PRKCB: variants seen among roughly 807,000 people sequenced by gnomAD.
PRKCB encodes protein kinase C beta type.
In PRKCB, 13 loss-of-function variants were observed where a neutral mutation model predicts 81.5. That is an observed-to-expected ratio of 0.16 (90% CI 0.10 to 0.25). PRKCB has a LOEUF of 0.25. PRKCB is among the 10% of genes least tolerant of loss of function. PRKCB has a pLI of 1.00. For missense variants in PRKCB, 509 were observed against 875.7 expected, an observed-to-expected ratio of 0.58 and a Z score of 5.29; for synonymous variants, 335 against 321.4, an observed-to-expected ratio of 1.04 and a Z score of -0.45.
chr16:24,029,303 C>A (rs1397199122), intron 3 of PRKCB, among the ~76,000 whole-genome samples: 1 of 152,188 alleles, frequency 6.6e-6, no homozygotes, highest in Non-Finnish European at 1.5e-5. Context: ...AAGGGAGAGA[C>A]CAGGTGGAGG....
In PRKCB at chr16:24,217,932, A is replaced by G. The variant is rs1331845610; in HGVS notation, c.*3116A>G. 8.1e-6 allele frequency: 8 copies of G among 985,292 alleles called. No individual in the cohort carries two copies. Among genetic ancestry groups the G allele is most frequent in the Middle Eastern group, 5.2e-4 (1 of 1,936 alleles). 61.0% of individuals were successfully genotyped at this position (985,292 alleles called of 1,614,324 possible). A position where few individuals can be genotyped will look rare whatever the true frequency, so the allele number is the denominator to read the frequency against. On this transcript the variant is annotated 3_prime_UTR_variant, in exon 17 of 17. Coordinates refer to ENST00000643927, the MANE Select transcript of PRKCB (RefSeq NM_002738.7). ...TTGGGAGACCTTTAGGATCAATGGG[A>G]ATCAATTCCATTGTTTTGCCTCAGA...
chr16:23,850,935 G>A (rs771877580), intron 2 of PRKCB, among the ~76,000 whole-genome samples: 1 of 151,980 alleles, frequency 6.6e-6, no homozygotes, highest in Non-Finnish European at 1.5e-5. Flanking sequence ...AGTAATTTCT[G>A]TTCAGATCCC....
chr16:24,104,278 A>G (rs1966548563), intron 7 of PRKCB, among the ~76,000 whole-genome samples: 1 of 152,172 alleles, frequency 6.6e-6, no homozygotes, highest in South Asian at 2.1e-4. Flanking sequence ...TACAAGTCTT[A>G]TTATATTGAC....
intron 3 of PRKCB, among the ~76,000 whole-genome samples, chr16:24,020,063 G>A (rs1052727812): frequency 2.0e-5 from 3 of 152,196 alleles, no homozygotes; most frequent in African/African-American, 7.2e-5. Flanking sequence ...CTTTGGATAG[G>A]TAGTGCCAAA....
intron 8 of PRKCB, among the ~76,000 whole-genome samples, chr16:24,117,878 G>A (rs1173922144): frequency 6.6e-6 from 1 of 152,228 alleles, no homozygotes; most frequent in African/African-American, 2.4e-5. Context: ...GGAAGCTGAG[G>A]GGTTATCCGT....
At chr16:24,207,672 C>T (rs955518064) in intron 16 of PRKCB, among the ~76,000 whole-genome samples, 1 of 152,094 alleles carries the variant, frequency 6.6e-6, no homozygotes, top group Non-Finnish European at 1.5e-5. Flanking sequence ...AGTAGATTCC[C>T]AATTTTTCTT....
intron 2 of PRKCB, among the ~76,000 whole-genome samples, chr16:23,889,866 T>A (rs1963265235): frequency 6.6e-6 from 1 of 152,244 alleles, no homozygotes; most frequent in African/African-American, 2.4e-5. Context: ...CTATTTACAA[T>A]AATTCCAGTC....
At chr16:24,046,606 G>A (rs751797053) in intron 5 of PRKCB, among the ~76,000 whole-genome samples, 1 of 152,102 alleles carries the variant, frequency 6.6e-6, no homozygotes, top group East Asian at 1.9e-4. Context: ...CAGAGGGAGC[G>A]GCAGAGGCAG....
intron 2 of PRKCB, among the ~76,000 whole-genome samples, chr16:23,985,241 C>T (rs149146694): frequency 7.1e-4 from 108 of 152,224 alleles, no homozygotes; most frequent in African/African-American, 2.6e-3. Flanking sequence ...CTACAGGCAC[C>T]TACCACCACG....
chr16:23,875,234 T>G (rs1962975097), intron 2 of PRKCB, among the ~76,000 whole-genome samples: 1 of 151,938 alleles, frequency 6.6e-6, no homozygotes, highest in African/African-American at 2.4e-5. Flanking sequence ...AGATGAGGTC[T>G]CACTATGTTG....
chr16:24,185,336 C>A, intron 14 of PRKCB, 124 bp from the exon 15 acceptor site: 1 of 1,192,096 alleles, frequency 8.4e-7, no homozygotes, highest in Non-Finnish European at 1.2e-6. Context: ...AGTCTGTGGT[C>A]ATTTGAAAGC....
intron 2 of PRKCB, among the ~76,000 whole-genome samples, chr16:23,907,186 A>G (rs1365482909): frequency 6.6e-6 from 1 of 152,198 alleles, no homozygotes; most frequent in African/African-American, 2.4e-5. Flanking sequence ...CTGATTTGTA[A>G]CAATCAAAAA....
chr16:23,996,910 A>G (rs1410478600), intron 3 of PRKCB, among the ~76,000 whole-genome samples: 2 of 152,168 alleles, frequency 1.3e-5, no homozygotes, highest in Non-Finnish European at 2.9e-5. Context: ...AGCATCTAGT[A>G]TATGGTGCTT....
At position 24,185,534 on chromosome 16, in the gene PRKCB, T is replaced by C; in HGVS notation, c.1689T>C (p.Ser563=). The change falls in exon 15 of 17, where the codon TCT becomes TCC. Residue 563 remains serine (S), a synonymous_variant. Coordinates refer to ENST00000643927, the MANE Select transcript of PRKCB (RefSeq NM_002738.7). ...IMEHNVAYPK[S]MSKEAVAICK... is the part of the protein sequence containing the mutation. ...AACACAACGTAGCCTATCCCAAGTC[T>C]ATGTCCAAGGAAGCTGTGGCCATCT... 1 of 1,614,132 alleles carries C rather than the reference T, an allele frequency of 6.2e-7. No individual in the cohort carries two copies.
chr16:24,040,096 A>G (rs1965680750), intron 5 of PRKCB, among the ~76,000 whole-genome samples: 1 of 152,112 alleles, frequency 6.6e-6, no homozygotes, highest in South Asian at 2.1e-4. Context: ...GCATCTCTAG[A>G]GGTCAAAGGT....
intron 3 of PRKCB, among the ~76,000 whole-genome samples, chr16:24,010,249 G>C (rs372226511): frequency 6.6e-6 from 1 of 152,172 alleles, no homozygotes; most frequent in Non-Finnish European, 1.5e-5. Context: ...ACTCAGCTCC[G>C]TTTCCTAATT....
At chr16:24,092,051 C>T (rs35108734) in intron 5 of PRKCB, among the ~76,000 whole-genome samples, 8,413 of 152,226 alleles carry the variant, frequency 0.055, 682 homozygotes, top group African/African-American at 0.18. Flanking sequence ...TGTTTTTAAA[C>T]GTACAATTCA....
rs1567379134 is a variant in PRKCB, at chr16:24,113,092, CTTCT to C, written c.918+30_918+33del. On this transcript the variant is annotated intron_variant, in intron 8 of 16. Transcript: ENST00000643927. ...GAGGTGAGGTTTCTTTTCTTTTTCT[CTTCT>C]TTCTTTTTTCTCTTTCTTTTTTCCT... is the stretch of plus-strand genomic sequence containing the variant. 5.1e-6 allele frequency: 8 copies of C among 1,571,666 alleles called. No homozygotes were observed. In the East Asian group the frequency reaches 6.8e-5, roughly 13 times the overall value.
intron 15 of PRKCB, among the ~76,000 whole-genome samples, chr16:24,187,091 G>A (rs1967715461): frequency 6.6e-6 from 1 of 152,188 alleles, no homozygotes; most frequent in South Asian, 2.1e-4. Flanking sequence ...AGAGAAGGTG[G>A]TACCTGGAGC....
Sources: gnomAD v4.1 joint callset for allele counts (sites outside exome capture counted in the v4.1 genomes callset) on GRCh38, gnomAD v4.1.1 for gene constraint, MANE v1.5 for transcripts, NCBI Gene and HGNC (gene_info 2026-07-23, HGNC 2026-07-21) for gene names.